Variants in PDXDC1 observed in about 807,000 individuals in gnomAD.
PDXDC1 encodes pyridoxal-dependent decarboxylase domain-containing protein 1.
Under a neutral mutation model 100.1 loss-of-function variants are expected in PDXDC1, and 42 were observed. That is an observed-to-expected ratio of 0.42 (90% CI 0.33 to 0.54). The LOEUF is 0.54. Among genes scored for constraint, PDXDC1 ranks in the 20% least tolerant of loss-of-function variants. PDXDC1 has a pLI of 0.10. For synonymous variants in PDXDC1, 260 were observed against 371.7 expected (o/e 0.70, Z 3.46); for missense variants, 636 against 979.2 (o/e 0.65, Z 4.68).
At chr16:15,043,597 C>T (rs1012675038) in intron 16 of PDXDC1, among the ~76,000 whole-genome samples, 3 of 151,726 alleles carry the variant, frequency 2.0e-5, no homozygotes, top group Non-Finnish European at 4.4e-5. Flanking sequence ...AAGCTTGCTT[C>T]ATGGCCTGGT....
chr16:14,997,122 C>T (rs1191540648), intron 1 of PDXDC1, among the ~76,000 whole-genome samples: 1 of 152,162 alleles, frequency 6.6e-6, no homozygotes, highest in Non-Finnish European at 1.5e-5. Flanking sequence ...TGGTTTTGGC[C>T]TCACCTGGTT....
chr16:15,028,984 C>G lies in PDXDC1; in HGVS notation c.1293+18C>G. ...ATCGCTGGGTGAGAATGGCAGTCACCCCCCTTTCCTTTCAGGTCCCCGTCC... is the reference window on the plus strand; with the variant it reads ...ATCGCTGGGTGAGAATGGCAGTCACGCCCCTTTCCTTTCAGGTCCCCGTCC... On this transcript the variant is annotated intron_variant, in intron 15 of 22. Transcript: ENST00000396410. The G allele has an allele frequency of 6.2e-7, 1 of 1,609,310 alleles. No individual in the cohort carries two copies. The highest frequency in any genetic ancestry group is 1.1e-5 in the South Asian group (1 of 90,846).
At chr16:15,040,001 G>A (rs2043737907), downstream of PDXDC1, 2 of 1,611,078 alleles carry the variant, frequency 1.2e-6, no homozygotes, top group East Asian at 4.5e-5. Context: ...GCAGCACGAA[G>A]CTGCTCCTCC....
In PDXDC1 at chr16:15,130,418, G is replaced by A. The variant is rs774151376; in HGVS notation, c.1400-8461G>A. 366 of 1,544,828 alleles carry A rather than the reference G, an allele frequency of 2.4e-4. 2 individuals carry two copies. The highest frequency in any genetic ancestry group is 1.8e-5 in the Non-Finnish European group (20 of 1,126,678). On this transcript the variant is annotated intron_variant, in intron 16 of 16. Coordinates refer to the PDXDC1 transcript ENST00000535621. ...GCGCCGACAGGCGGAAGTGGCTGGA[G>A]AGGTTCAGACGGTAACTCCCCACTG...
intron 4 of PDXDC1, among the ~76,000 whole-genome samples, chr16:15,003,361 T>C (rs1405122311): frequency 2.6e-5 from 4 of 152,172 alleles, no homozygotes; most frequent in Non-Finnish European, 5.9e-5. Flanking sequence ...GGATTACAGG[T>C]GCCCACCACC....
rs1265552120 is a variant in PDXDC1 at position 14,994,019 on chromosome 16, A to G, written c.22-3734A>G. ...TTTTCTTGTAAATTTGTTTGAGTTC[A>G]TTGTAGATTCTGGATATTAGCCCTT... On this transcript the variant is annotated intron_variant, in intron 1 of 22. Transcript: ENST00000396410. Among the ~76,000 whole-genome samples the G allele has an allele frequency of 2.6e-5, 4 of 152,268 alleles. No homozygotes were observed. The East Asian group carries it at 5.8e-4, about 22-fold the overall frequency.
rs150070931 is a variant in PDXDC1, at chr16:15,011,295, C to T, written c.727+1536C>T. On this transcript the variant is annotated intron_variant, in intron 8 of 22. Transcript: ENST00000396410. ...GGTTTTTACAGATGCCTGAGTAATT[C>T]GAGGGAGAAAGGACCATCTTTTTCC... Among the ~76,000 whole-genome samples, 231 of 152,396 alleles carry T rather than the reference C, an allele frequency of 1.5e-3. 3 individuals carry two copies. In the East Asian group the frequency reaches 0.023, roughly 15 times the overall value.
chr16:15,093,878 C>G (rs576935281), intron 16 of PDXDC1: 1 of 503,230 alleles, frequency 2.0e-6, no homozygotes, highest in Non-Finnish European at 3.5e-6. Flanking sequence ...GCGCAGAAGG[C>G]AGTACCCAGG....
intron 16 of PDXDC1, among the ~76,000 whole-genome samples, chr16:15,078,198 T>G (rs749247742): frequency 2.0e-5 from 3 of 152,318 alleles, no homozygotes; most frequent in South Asian, 2.1e-4. Flanking sequence ...CAACTCCAAG[T>G]GAGCACTGCA....
chr16:15,041,103 T>C, downstream of PDXDC1: 1 of 1,582,762 alleles, frequency 6.3e-7, no homozygotes, highest in Non-Finnish European at 8.7e-7. Flanking sequence ...GTTTTCGTTT[T>C]CTTCCCGGTC....
At chr16:15,065,204 T>A in intron 16 of PDXDC1, 1 of 1,580,776 alleles carries the variant, frequency 6.3e-7, no homozygotes, top group East Asian at 2.2e-5. Context: ...AGCGTCAATG[T>A]TTAAAAGTAC....
At chr16:15,098,016 G>A (rs1002667644) in intron 16 of PDXDC1, among the ~76,000 whole-genome samples, 6 of 119,058 alleles carry the variant, frequency 5.0e-5, no homozygotes, top group Non-Finnish European at 4.9e-5. Context: ...ATCTCCCGCC[G>A]TCCTCCCACC....
chr16:15,145,260 C>A, the PDXDC1 span, among the ~76,000 whole-genome samples: 1 of 152,250 alleles, frequency 6.6e-6, no homozygotes, highest in Non-Finnish European at 1.5e-5. Context: ...CAGCACAGAT[C>A]CAGCGGGGCA....
At chr16:15,114,080 C>CA (rs1158278702) in intron 16 of PDXDC1, among the ~76,000 whole-genome samples, 2 of 144,420 alleles carry the variant, frequency 1.4e-5, no homozygotes, top group African/African-American at 5.2e-5. Context: ...AGTGAATCTT[C>CA]AGAGAGGAGA....
At chr16:15,085,004 T>C (rs1235006075) in intron 16 of PDXDC1, among the ~76,000 whole-genome samples, 7 of 150,454 alleles carry the variant, frequency 4.7e-5, no homozygotes, top group African/African-American at 1.7e-4. Context: ...AGGTGAAGGC[T>C]GCAGCGAACC....
At chr16:14,998,053 T>A (rs532905353) in intron 2 of PDXDC1, among the ~76,000 whole-genome samples, 1 of 152,412 alleles carries the variant, frequency 6.6e-6, no homozygotes, top group Admixed American at 6.5e-5. Context: ...AAGAGTTTCA[T>A]TTACTTAATA....
intron 16 of PDXDC1, among the ~76,000 whole-genome samples, chr16:15,063,499 G>T (rs922514372): frequency 6.6e-6 from 1 of 151,982 alleles, no homozygotes; most frequent in African/African-American, 2.4e-5. Flanking sequence ...ATGAGGTCAG[G>T]AGATCGAGAC....
At chr16:14,993,095 G>T (rs144569809) in intron 1 of PDXDC1, among the ~76,000 whole-genome samples, 15 of 152,000 alleles carry the variant, frequency 9.9e-5, no homozygotes, top group African/African-American at 1.4e-4. Context: ...GCCTCCCAAA[G>T]AATTTTTTTT....
intron 16 of PDXDC1, among the ~76,000 whole-genome samples, chr16:15,054,985 G>GT (rs2044445774): frequency 6.6e-6 from 1 of 152,090 alleles, no homozygotes; most frequent in Admixed American, 6.6e-5. Flanking sequence ...GTACTTAACA[G>GT]TTTATAGTAT....
Sources: gnomAD v4.1 joint callset for allele counts (sites outside exome capture counted in the v4.1 genomes callset) on GRCh38, gnomAD v4.1.1 for gene constraint, MANE v1.5 for transcripts, NCBI Gene and HGNC (gene_info 2026-07-23, HGNC 2026-07-21) for gene names.